TBCK: variants seen among roughly 807,000 people sequenced by gnomAD.
TBCK encodes TBC1 domain containing kinase.
TBCK carries 99 observed loss-of-function variants against 113.4 expected under a neutral mutation model. That is an observed-to-expected ratio of 0.87 (90% CI 0.74 to 1.03). TBCK has a LOEUF of 1.03. TBCK is among the 50% of genes least tolerant of loss of function. TBCK has a pLI of 0.00. For missense variants in TBCK, 1,045 were observed against 1,061.3 expected, an observed-to-expected ratio of 0.98 and a Z score of 0.21; for synonymous variants, 369 against 370.8, an observed-to-expected ratio of 1.00 and a Z score of 0.05.
Position 106,124,008 on chromosome 4 carries a change from A to C in TBCK, c.2236-7630T>G, listed in dbSNP as rs532500375. Among the ~76,000 whole-genome samples, 13 of 151,554 alleles carry C rather than the reference A, an allele frequency of 8.6e-5. No individual in the cohort carries two copies. The East Asian group carries it at 2.1e-3, about 25-fold the overall frequency. On this transcript the variant is annotated intron_variant, in intron 23 of 25. Coordinates refer to ENST00000394708, the MANE Select transcript of TBCK (RefSeq NM_001163435.3). Reference sequence around the variant, plus strand: ...AAGACAAAATTGACAAACGGGATCTAATTAAACTAAAGAGCTTCTGCACAG... The same window carrying C: ...AAGACAAAATTGACAAACGGGATCTCATTAAACTAAAGAGCTTCTGCACAG...
intron 22 of TBCK, among the ~76,000 whole-genome samples, chr4:106,189,813 C>G (rs899642658): frequency 2.0e-5 from 3 of 151,792 alleles, no homozygotes; most frequent in African/African-American, 7.3e-5. Flanking sequence ...CTGCATGATC[C>G]TTCTTTGTCT....
In TBCK at chr4:106,045,970, C is replaced by T. The variant is rs1218194313; in HGVS notation, c.*600G>A. 6.6e-6 allele frequency: 1 copy of T among 152,140 alleles called. No homozygotes were observed. The highest frequency in any genetic ancestry group is 2.4e-5 in the African/African-American group (1 of 41,408). 9.4% of individuals were successfully genotyped at this position (152,140 alleles called of 1,614,324 possible). On this transcript the variant is annotated 3_prime_UTR_variant, in exon 26 of 26. Transcript: ENST00000394708. ...TACAGGAACTGACCAAATATTCTAT[C>T]AAATATAAATGGTTTCTAAATTTCA...
At chr4:106,158,622 T>C (rs1749393010) in intron 23 of TBCK, among the ~76,000 whole-genome samples, 1 of 151,538 alleles carries the variant, frequency 6.6e-6, no homozygotes, top group Non-Finnish European at 1.5e-5. Context: ...AAAATCTAAC[T>C]AGATCTAGTA....
chr4:106,105,614 C>A (rs1742058745), intron 24 of TBCK, among the ~76,000 whole-genome samples: 1 of 152,206 alleles, frequency 6.6e-6, no homozygotes, highest in Non-Finnish European at 1.5e-5. Context: ...GTGTCACCTG[C>A]TGGATAAACC....
intron 25 of TBCK, among the ~76,000 whole-genome samples, chr4:106,053,607 A>G (rs1321890296): frequency 6.6e-6 from 1 of 151,496 alleles, no homozygotes; most frequent in Non-Finnish European, 1.5e-5. Flanking sequence ...ATTTAGTCCC[A>G]CAGGTTTAAG....
At chr4:106,244,986 G>A (rs1469625227) in intron 10 of TBCK, among the ~76,000 whole-genome samples, 4 of 152,104 alleles carry the variant, frequency 2.6e-5, no homozygotes, top group Non-Finnish European at 5.9e-5. Flanking sequence ...CTGTAAGAGA[G>A]GTGAGGACAT....
chr4:106,113,676 G>A (rs576534221), intron 24 of TBCK, among the ~76,000 whole-genome samples: 10 of 152,296 alleles, frequency 6.6e-5, no homozygotes, highest in Middle Eastern at 3.4e-3. Context: ...TTCCTCGGAC[G>A]ACATAGGCCC....
At chr4:106,113,385 T>G (rs1339262388) in intron 24 of TBCK, among the ~76,000 whole-genome samples, 2 of 152,172 alleles carry the variant, frequency 1.3e-5, no homozygotes, top group African/African-American at 2.4e-5. Flanking sequence ...TTTTGAAAAT[T>G]TAGATGATAA....
At chr4:106,111,809 C>G (rs1230020727) in intron 24 of TBCK, among the ~76,000 whole-genome samples, 1 of 152,144 alleles carries the variant, frequency 6.6e-6, no homozygotes, top group African/African-American at 2.4e-5. Context: ...AAATTAAATA[C>G]TAGCAACTTA....
rs577304053 is a variant in TBCK at position 106,232,254 on chromosome 4, T to C, written c.1640-475A>G. Among the ~76,000 whole-genome samples the C allele has an allele frequency of 1.1e-4, 16 of 151,982 alleles. No individual in the cohort carries two copies. In the South Asian group the frequency reaches 3.3e-3, roughly 32 times the overall value. On this transcript the variant is annotated intron_variant, in intron 17 of 25. Coordinates refer to ENST00000394708, the MANE Select transcript of TBCK (RefSeq NM_001163435.3). ...TTTATTGATAATAATGATATGCATG[T>C]ATTGTCATGTTGAAAGAATGTACAT...
Position 106,138,278 on chromosome 4 carries a change from T to C in TBCK, c.2236-21900A>G, listed in dbSNP as rs888405986. Among the ~76,000 whole-genome samples the C allele has an allele frequency of 7.8e-5, 11 of 141,324 alleles. 2 individuals carry two copies. Among genetic ancestry groups the C allele is most frequent in the Admixed American group, 2.1e-4 (3 of 14,266 alleles). The allele number at this position is 141,324 out of a possible 152,430, so 92.7% of individuals were successfully genotyped here. On this transcript the variant is annotated intron_variant, in intron 23 of 25. Transcript: ENST00000394708. ...CGTTGTTGACTGAAATGTTGTTATG[T>C]GCTGCATGACTGTATTTTCTATTAA...
At chr4:106,216,053 T>C (rs1458482722) in intron 19 of TBCK, among the ~76,000 whole-genome samples, 1 of 151,694 alleles carries the variant, frequency 6.6e-6, no homozygotes, top group Non-Finnish European at 1.5e-5. Flanking sequence ...GAACTCAGGA[T>C]TAAGAATCTC....
intron 15 of TBCK, 114 bp from the exon 16 acceptor site, chr4:106,233,764 T>C: frequency 1.3e-6 from 1 of 780,384 alleles, no homozygotes; most frequent in Non-Finnish European, 2.1e-6. Flanking sequence ...CAACTACAGA[T>C]AAGCACATTC....
chr4:106,088,107 T>C (rs949052863), intron 25 of TBCK, among the ~76,000 whole-genome samples: 1 of 152,052 alleles, frequency 6.6e-6, no homozygotes, highest in Non-Finnish European at 1.5e-5. Flanking sequence ...ACAAATGGGA[T>C]CTAATTAAAC....
At chr4:106,293,903 AT>A (rs1765987576) in intron 3 of TBCK, among the ~76,000 whole-genome samples, 1 of 152,234 alleles carries the variant, frequency 6.6e-6, no homozygotes, top group Non-Finnish European at 1.5e-5. Context: ...TGATTTATAC[AT>A]TAAGAAAGAT....
Position 106,235,317 on chromosome 4 carries a change from A to G in TBCK, c.1401T>C (p.Ile467=). 1 of 1,611,116 alleles carries G rather than the reference A, an allele frequency of 6.2e-7. No homozygotes were observed. The highest frequency in any genetic ancestry group is 1.7e-4 in the Middle Eastern group (1 of 6,040). Residue 467 remains isoleucine, a synonymous_variant, in exon 15 of 26, where the codon ATT becomes ATC. Transcript: ENST00000394708. ...NQIWKEARVD[I]PPLMRGLTWA... is the part of the protein sequence containing the mutation. ...AGGTTAAACCTCTCATAAGAGGAGG[A>G]ATGTCAACTCTTGCTTCTTTCCAGA...
chr4:106,067,343 TAGG>T (rs912182051), intron 25 of TBCK, among the ~76,000 whole-genome samples: 3 of 152,178 alleles, frequency 2.0e-5, no homozygotes, highest in African/African-American at 7.2e-5. Flanking sequence ...TGTTGAGCTG[TAGG>T]AGTTGTTAGT....
At chr4:106,090,785 G>A (rs1396182931) in intron 25 of TBCK, among the ~76,000 whole-genome samples, 1 of 152,020 alleles carries the variant, frequency 6.6e-6, no homozygotes, top group Admixed American at 6.6e-5. Flanking sequence ...GGTGTAACAT[G>A]GGTAATCTTA....
intron 20 of TBCK, among the ~76,000 whole-genome samples, chr4:106,205,782 A>AC (rs528781025): frequency 6.1e-4 from 92 of 151,264 alleles, no homozygotes; most frequent in African/African-American, 2.2e-3. Flanking sequence ...CAACAAAAAA[A>AC]ACAAAAAAAA....
Sources: allele counts gnomAD v4.1 joint callset (sites outside exome capture counted in the v4.1 genomes callset), GRCh38; gene constraint gnomAD v4.1.1; transcripts MANE v1.5; gene names NCBI Gene and HGNC (gene_info 2026-07-23, HGNC 2026-07-21).